Variants in TMTC1 observed in about 807,000 individuals in gnomAD.
The protein encoded by TMTC1 is transmembrane O-mannosyltransferase targeting cadherins 1, also known as protein O-mannosyl-transferase TMTC1.
A neutral mutation model predicts 104.8 loss-of-function variants in TMTC1; 73 were observed. The ratio of observed to expected loss-of-function variants is 0.70; its 90% confidence interval spans 0.58 to 0.85. TMTC1 has a LOEUF of 0.85. Among genes scored for constraint, TMTC1 ranks in the 40% least tolerant of loss-of-function variants. TMTC1 has a pLI of 0.00. For missense variants in TMTC1, 1,035 were observed against 1,096.1 expected, an observed-to-expected ratio of 0.94 and a Z score of 0.79; for synonymous variants, 434 against 428.7, an observed-to-expected ratio of 1.01 and a Z score of -0.15.
At chr12:29,577,976 T>C (rs1425778434) in intron 8 of TMTC1, among the ~76,000 whole-genome samples, 1 of 152,124 alleles carries the variant, frequency 6.6e-6, no homozygotes, top group Non-Finnish European at 1.5e-5. Context: ...AACTAAATAG[T>C]GCATGGTAGC....
chr12:29,738,047 T>C (rs77584991), intron 5 of TMTC1, among the ~76,000 whole-genome samples: 7,703 of 152,224 alleles, frequency 0.051, 255 homozygotes, highest in East Asian at 0.14. Context: ...CAGATTAGGG[T>C]ACAACAGTAA....
At chr12:29,561,544 T>C (rs1284932095) in intron 9 of TMTC1, among the ~76,000 whole-genome samples, 1 of 152,200 alleles carries the variant, frequency 6.6e-6, no homozygotes, top group African/African-American at 2.4e-5. Context: ...ACCCAGTAAG[T>C]GTGTAAGATT....
At chr12:29,621,394 G>C (rs1385826825) in intron 6 of TMTC1, among the ~76,000 whole-genome samples, 1 of 152,210 alleles carries the variant, frequency 6.6e-6, no homozygotes, top group Non-Finnish European at 1.5e-5. Context: ...ATCTATGGTA[G>C]TACAATGTTG....
chr12:29,651,166 A>T (rs1939501843), intron 5 of TMTC1, among the ~76,000 whole-genome samples: 1 of 152,200 alleles, frequency 6.6e-6, no homozygotes. Flanking sequence ...AGTGGAATGA[A>T]TACTTCATGA....
intron 5 of TMTC1, among the ~76,000 whole-genome samples, chr12:29,671,312 A>AAATC (rs1446816558): frequency 7.1e-6 from 1 of 139,964 alleles, no homozygotes; most frequent in Admixed American, 6.9e-5. Context: ...ATAAATAAAT[A>AAATC]AATAAATAAA....
chr12:29,576,255 T>A (rs1945818931), intron 8 of TMTC1, among the ~76,000 whole-genome samples: 1 of 152,206 alleles, frequency 6.6e-6, no homozygotes, highest in African/African-American at 2.4e-5. Flanking sequence ...TTTAGTTTGA[T>A]GCAGTCCCAT....
At chr12:29,619,327 A>G (rs1196742825) in intron 6 of TMTC1, among the ~76,000 whole-genome samples, 1 of 152,256 alleles carries the variant, frequency 6.6e-6, no homozygotes, top group African/African-American at 2.4e-5. Context: ...AGCCAAGCAG[A>G]GCACTCCAGG....
chr12:29,665,620 C>T (rs1423131778), intron 5 of TMTC1, among the ~76,000 whole-genome samples: 1 of 152,184 alleles, frequency 6.6e-6, no homozygotes, highest in Non-Finnish European at 1.5e-5. Context: ...ATTATCACGT[C>T]AATAAATAAT....
intron 5 of TMTC1, among the ~76,000 whole-genome samples, chr12:29,728,176 T>C (rs115558057): frequency 0.021 from 3,123 of 152,220 alleles, 114 homozygotes; most frequent in African/African-American, 0.069. Context: ...AGCACCCTAA[T>C]CCTCTGTGAC....
chr12:29,675,052 G>T (rs1417985900), intron 5 of TMTC1, among the ~76,000 whole-genome samples: 3 of 152,140 alleles, frequency 2.0e-5, no homozygotes, highest in African/African-American at 7.2e-5. Flanking sequence ...CATGTGCAAA[G>T]TAACTTAATG....
chr12:29,753,248 T>C (rs1040640813), intron 4 of TMTC1, among the ~76,000 whole-genome samples: 21 of 152,164 alleles, frequency 1.4e-4, no homozygotes, highest in African/African-American at 4.8e-4. Context: ...AAACTCTGTG[T>C]ATATGTGCAT....
intron 5 of TMTC1, among the ~76,000 whole-genome samples, chr12:29,679,415 T>C (rs1222492009): frequency 1.3e-5 from 2 of 152,180 alleles, no homozygotes; most frequent in Non-Finnish European, 2.9e-5. Flanking sequence ...GCTATTATTT[T>C]GTAAAATTTC....
In TMTC1 at chr12:29,693,179, G is replaced by A. The variant is rs1168588109; in HGVS notation, c.938+58487C>T. On this transcript the variant is annotated intron_variant, in intron 5 of 17. Coordinates refer to ENST00000539277, the MANE Select transcript of TMTC1 (RefSeq NM_001193451.2). ...AGAGGGATATTTAAATACATACGAT[G>A]TGTACTGATCAAATCAGCTGTAAAA... 1.4e-5 allele frequency among the ~76,000 whole-genome samples: 2 copies of A among 144,728 alleles called. 1 individual carries two copies. Among genetic ancestry groups the A allele is most frequent in the East Asian group, 4.5e-4 (2 of 4,408 alleles). The allele number at this position is 144,728 out of a possible 152,430, so 94.9% of individuals were successfully genotyped here. A position where few individuals can be genotyped will look rare whatever the true frequency, so the allele number is the denominator to read the frequency against.
intron 5 of TMTC1, among the ~76,000 whole-genome samples, chr12:29,698,676 G>T (rs1294791073): frequency 6.6e-6 from 1 of 152,144 alleles, no homozygotes; most frequent in Non-Finnish European, 1.5e-5. Flanking sequence ...GTACCTACAT[G>T]CTTGCCTGGA....
intron 5 of TMTC1, among the ~76,000 whole-genome samples, chr12:29,729,093 ATCTCGACCCC>A (rs2136910574): frequency 6.6e-6 from 1 of 151,860 alleles, no homozygotes. Flanking sequence ...CCAAGTTCAA[ATCTCGACCCC>A]TTTACTTCCC....
At chr12:29,567,096 GACA>G (rs1945537544) in intron 9 of TMTC1, among the ~76,000 whole-genome samples, 1 of 152,188 alleles carries the variant, frequency 6.6e-6, no homozygotes, top group South Asian at 2.1e-4. Context: ...CCTCTAAGGG[GACA>G]TCCCAGTTCC....
intron 10 of TMTC1, among the ~76,000 whole-genome samples, chr12:29,550,431 T>G (rs976228549): frequency 1.3e-5 from 2 of 152,122 alleles, no homozygotes; most frequent in Non-Finnish European, 2.9e-5. Context: ...GAAGCTATGC[T>G]GATGCTTAGG....
intron 5 of TMTC1, among the ~76,000 whole-genome samples, chr12:29,701,995 A>G (rs1446185368): frequency 6.6e-6 from 1 of 152,202 alleles, no homozygotes; most frequent in African/African-American, 2.4e-5. Flanking sequence ...TTTGTTAAGG[A>G]TAATAATACT....
intron 12 of TMTC1, chr12:29,519,280 T>C (rs1047255239): frequency 6.6e-6 from 1 of 152,194 alleles, no homozygotes; most frequent in African/African-American, 2.4e-5. Context: ...ACTGTTTAGC[T>C]GTTTATCAGG....
Sources: gnomAD v4.1 joint callset for allele counts (sites outside exome capture counted in the v4.1 genomes callset) on GRCh38, gnomAD v4.1.1 for gene constraint, MANE v1.5 for transcripts, NCBI Gene and HGNC (gene_info 2026-07-23, HGNC 2026-07-21) for gene names.